Variants in MTFR1 observed in about 807,000 individuals in gnomAD.
The protein encoded by MTFR1 is chondrocyte protein with a poly-proline region.
MTFR1 carries 28 observed loss-of-function variants against 38.8 expected under a neutral mutation model. The ratio of observed to expected loss-of-function variants is 0.72; its 90% CI spans 0.53 to 0.99. The LOEUF is 0.99. Among genes scored for constraint, MTFR1 ranks in the 50% least tolerant of loss-of-function variants. The pLI is 0.00. For missense variants in MTFR1, 358 were observed against 395.5 expected, an observed-to-expected ratio of 0.91 and a Z score of 0.81; for synonymous variants, 145 against 137.0, an observed-to-expected ratio of 1.06 and a Z score of -0.41.
chr8:65,755,639 A>G (rs1211142298), intron 3 of MTFR1, among the ~76,000 whole-genome samples: 1 of 152,256 alleles, frequency 6.6e-6, no homozygotes, highest in Non-Finnish European at 1.5e-5. Flanking sequence ...AAATCATATA[A>G]GTAAAAGAGG....
intron 1 of MTFR1, among the ~76,000 whole-genome samples, chr8:65,667,317 A>G (rs1804410794): frequency 6.6e-6 from 1 of 151,200 alleles, no homozygotes; most frequent in South Asian, 2.1e-4. Flanking sequence ...ATCATGTTAA[A>G]ATTTTCTATA....
At chr8:65,708,673 GGAAACTT>G (rs1244198062) in intron 7 of MTFR1, among the ~76,000 whole-genome samples, 3 of 152,194 alleles carry the variant, frequency 2.0e-5, no homozygotes, top group Non-Finnish European at 4.4e-5. Flanking sequence ...ACATTGGAAA[GGAAACTT>G]TGTACTTTCT....
chr8:65,690,360 C>G (rs138054026), intron 3 of MTFR1, among the ~76,000 whole-genome samples: 304 of 151,864 alleles, frequency 2.0e-3, no homozygotes, highest in African/African-American at 5.0e-3. Flanking sequence ...CATGGCGATA[C>G]CCCCCATCTC....
intron 1 of MTFR1, among the ~76,000 whole-genome samples, chr8:65,660,906 A>G (rs1406607696): frequency 6.6e-6 from 1 of 152,236 alleles, no homozygotes; most frequent in South Asian, 2.1e-4. Context: ...GAAATGAGCT[A>G]TCAACCATGA....
chr8:65,697,769 A>G (rs548748590), intron 4 of MTFR1, among the ~76,000 whole-genome samples: 1 of 152,270 alleles, frequency 6.6e-6, no homozygotes, highest in African/African-American at 2.4e-5. Flanking sequence ...TCTCTGCGTT[A>G]TTTCCTTAAT....
intron 3 of MTFR1, among the ~76,000 whole-genome samples, chr8:65,766,461 T>C (rs1302821249): frequency 6.6e-6 from 1 of 152,068 alleles, no homozygotes; most frequent in Non-Finnish European, 1.5e-5. Context: ...CTTTATGGAG[T>C]TGAATGAAAG....
chr8:65,737,432 G>T (rs903483631), intron 3 of MTFR1, among the ~76,000 whole-genome samples: 3 of 152,144 alleles, frequency 2.0e-5, no homozygotes, highest in Non-Finnish European at 4.4e-5. Context: ...CTGCAAAATT[G>T]TATCTGTAGA....
At chr8:65,741,179 G>C (rs898215200) in intron 3 of MTFR1, among the ~76,000 whole-genome samples, 1 of 151,950 alleles carries the variant, frequency 6.6e-6, no homozygotes, top group African/African-American at 2.4e-5. Flanking sequence ...CAATTAAATA[G>C]ACCACGTTTT....
intron 3 of MTFR1, among the ~76,000 whole-genome samples, chr8:65,686,604 A>G (rs893351837): frequency 6.9e-6 from 1 of 145,170 alleles, no homozygotes; most frequent in African/African-American, 2.5e-5. Context: ...AAAAAAAGGC[A>G]CTGTGAAATA....
At chr8:65,726,878 C>T (rs751041522) in intron 3 of MTFR1, 1 of 1,559,168 alleles carries the variant, frequency 6.4e-7, no homozygotes, top group Non-Finnish European at 8.8e-7. Context: ...AACCTACCTG[C>T]TTTCTAATGG....
chr8:65,666,614 T>C (rs1804389170), intron 1 of MTFR1, among the ~76,000 whole-genome samples: 1 of 152,168 alleles, frequency 6.6e-6, no homozygotes. Context: ...TAGAAGATAA[T>C]TTGATATCTA....
intron 1 of MTFR1, among the ~76,000 whole-genome samples, chr8:65,650,391 G>A (rs1232202256): frequency 6.6e-6 from 1 of 151,742 alleles, no homozygotes; most frequent in Non-Finnish European, 1.5e-5. Flanking sequence ...CCAGGCTGAT[G>A]TTGAACTCCT....
intron 3 of MTFR1, among the ~76,000 whole-genome samples, chr8:65,756,620 C>G (rs1808252245): frequency 6.6e-6 from 1 of 152,072 alleles, no homozygotes; most frequent in Admixed American, 6.5e-5. Flanking sequence ...TACTGAGATT[C>G]TCATTTTGTT....
At chr8:65,725,698 T>A (rs373884157) in intron 3 of MTFR1, 1 of 151,488 alleles carries the variant, frequency 6.6e-6, no homozygotes, top group Admixed American at 6.6e-5. Flanking sequence ...CAATATTGAA[T>A]GTTAAAACAA....
chr8:65,708,059 C>T lies in MTFR1; in HGVS notation c.933+48C>T, dbSNP rs1805838561. 7.5e-6 allele frequency: 12 copies of T among 1,606,760 alleles called. No individual in the cohort carries two copies. The East Asian group carries it at 2.7e-4, about 36-fold the overall frequency. On this transcript the variant is annotated intron_variant, in intron 7 of 7. Coordinates refer to ENST00000262146, the MANE Select transcript of MTFR1 (RefSeq NM_014637.4). ...TTTCCTGTTATGTAGAAATCCATCC[C>T]ATTGCCAAGCACTTGCATTTTGCAA... is the stretch of plus-strand genomic sequence containing the variant.
intron 3 of MTFR1, among the ~76,000 whole-genome samples, chr8:65,753,002 CCTTTTGTTGT>C (rs1808040556): frequency 6.6e-6 from 1 of 152,134 alleles, no homozygotes; most frequent in Non-Finnish European, 1.5e-5. Context: ...CAACTGAACT[CCTTTTGTTGT>C]CTTATCTCTT....
intron 3 of MTFR1, chr8:65,682,865 T>C (rs1804944875): frequency 1.0e-6 from 1 of 985,404 alleles, no homozygotes; most frequent in African/African-American, 1.7e-5. Flanking sequence ...GCCATATAAG[T>C]TGCTTTCCGT....
At chr8:65,663,822 C>CTTTTTTTTTTTTTTTTTTTTT (rs1035579864) in intron 1 of MTFR1, among the ~76,000 whole-genome samples, 2 of 78,576 alleles carry the variant, frequency 2.5e-5, no homozygotes, top group Non-Finnish European at 5.0e-5. Context: ...AATTTCTTTT[C>CTTTTTTTTTTTTTTTTTTTTT]TTTTTTTTTT....
At chr8:65,742,379 C>T (rs1807480528) in intron 3 of MTFR1, among the ~76,000 whole-genome samples, 1 of 152,152 alleles carries the variant, frequency 6.6e-6, no homozygotes, top group Non-Finnish European at 1.5e-5. Flanking sequence ...ACTTAACTCC[C>T]TCAATCCTAC....
Sources: gnomAD v4.1 joint callset for allele counts (sites outside exome capture counted in the v4.1 genomes callset) on GRCh38, gnomAD v4.1.1 for gene constraint, MANE v1.5 for transcripts, NCBI Gene and HGNC (gene_info 2026-07-23, HGNC 2026-07-21) for gene names.